ANKS1B: variants seen among roughly 807,000 people sequenced by gnomAD.
The protein encoded by ANKS1B is ankyrin repeat and sterile alpha motif domain-containing protein 1B.
ANKS1B carries 36 observed loss-of-function variants against 148.3 expected under a neutral mutation model. That is an observed-to-expected ratio of 0.24 (90% CI 0.19 to 0.32). The LOEUF (loss-of-function observed/expected upper bound fraction) is 0.32, where lower values mean the gene tolerates loss of function less well. Among genes scored for constraint, ANKS1B ranks in the 10% least tolerant of loss-of-function variants. The pLI, the probability that ANKS1B is intolerant of heterozygous loss-of-function variation, is 1.00. For missense variants in ANKS1B, 1,157 were observed against 1,542.6 expected, an observed-to-expected ratio of 0.75 and a Z score of 4.19; for synonymous variants, 542 against 560.8, an observed-to-expected ratio of 0.97 and a Z score of 0.47.
chr12:98,814,414 C>A (rs1325229440), intron 19 of ANKS1B, among the ~76,000 whole-genome samples: 1 of 152,196 alleles, frequency 6.6e-6, no homozygotes, highest in Non-Finnish European at 1.5e-5. Context: ...CTACCGTTAT[C>A]CGTTATCATT....
At chr12:99,131,778 A>AGAT (rs2066154515) in intron 15 of ANKS1B, among the ~76,000 whole-genome samples, 1 of 152,168 alleles carries the variant, frequency 6.6e-6, no homozygotes, top group Non-Finnish European at 1.5e-5. Context: ...AATTAAGGAC[A>AGAT]GATTACAAGC....
At chr12:99,053,348 C>T in intron 16 of ANKS1B, 39 bp from the exon 17 acceptor site, 1 of 1,469,232 alleles carries the variant, frequency 6.8e-7, no homozygotes, top group Non-Finnish European at 9.1e-7. Context: ...AAACTGTATA[C>T]TTTGTGTCCC....
chr12:98,964,039 G>A (rs1218154831), intron 17 of ANKS1B, among the ~76,000 whole-genome samples: 9 of 151,970 alleles, frequency 5.9e-5, no homozygotes, highest in East Asian at 1.9e-4. Context: ...TGGAGGTTGC[G>A]GTGAGTCGAG....
chr12:99,647,186 G>A (rs912044197), intron 9 of ANKS1B, among the ~76,000 whole-genome samples: 1 of 152,014 alleles, frequency 6.6e-6, no homozygotes, highest in Non-Finnish European at 1.5e-5. Context: ...CTATGAGTTT[G>A]AAATCAGTTT....
chr12:99,848,375 C>A (rs1565853545), intron 1 of ANKS1B, among the ~76,000 whole-genome samples: 1 of 151,812 alleles, frequency 6.6e-6, no homozygotes. Flanking sequence ...CCATTCTCTA[C>A]CATACCAAGT....
chr12:99,766,332 T>C (rs914874956), intron 8 of ANKS1B, among the ~76,000 whole-genome samples: 1 of 152,118 alleles, frequency 6.6e-6, no homozygotes, highest in African/African-American at 2.4e-5. Flanking sequence ...CAGAAAGAGA[T>C]GTATCAAGAA....
rs944967925 is a variant in ANKS1B, at chr12:99,303,918, T to C, written c.1757-57054A>G. ...TCCTGAGTTACTTCATTTAGAATAA[T>C]GGTCTCCGACTCCATCTAGGTTGCT... On this transcript the variant is annotated intron_variant, in intron 12 of 26. Coordinates refer to ENST00000683438, the MANE Select transcript of ANKS1B (RefSeq NM_001352186.2). 3.3e-5 allele frequency among the ~76,000 whole-genome samples: 5 copies of C among 152,182 alleles called. No homozygotes were observed. The South Asian group carries it at 1.0e-3, about 31-fold the overall frequency.
chr12:98,802,408 G>A (rs2099011109), intron 20 of ANKS1B, among the ~76,000 whole-genome samples: 1 of 152,072 alleles, frequency 6.6e-6, no homozygotes, highest in South Asian at 2.1e-4. Context: ...TTCTTTGAAA[G>A]AATCTAGAAA....
chr12:99,416,231 C>A (rs1488201538), intron 11 of ANKS1B, among the ~76,000 whole-genome samples: 1 of 152,166 alleles, frequency 6.6e-6, no homozygotes, highest in Non-Finnish European at 1.5e-5. Flanking sequence ...TATTCAATGA[C>A]ATGGATGTTT....
intron 10 of ANKS1B, among the ~76,000 whole-genome samples, chr12:99,453,276 C>T (rs1226690522): frequency 2.0e-5 from 3 of 151,220 alleles, no homozygotes; most frequent in South Asian, 2.1e-4. Context: ...GGTGACAGAG[C>T]GAGAGTCCGT....
At chr12:99,978,337 T>TGA (rs2095652910) in intron 1 of ANKS1B, among the ~76,000 whole-genome samples, 1 of 152,144 alleles carries the variant, frequency 6.6e-6, no homozygotes, top group Admixed American at 6.5e-5. Flanking sequence ...ACCCTCAGTG[T>TGA]TTTGAAAAGG....
At chr12:98,926,122 G>C (rs1377192577) in intron 17 of ANKS1B, among the ~76,000 whole-genome samples, 2 of 152,096 alleles carry the variant, frequency 1.3e-5, no homozygotes, top group African/African-American at 2.4e-5. Flanking sequence ...TGACTTTGAG[G>C]TTCTGTGCAA....
intron 1 of ANKS1B, among the ~76,000 whole-genome samples, chr12:99,908,251 T>C (rs1356934568): frequency 6.6e-6 from 1 of 152,158 alleles, no homozygotes; most frequent in Non-Finnish European, 1.5e-5. Flanking sequence ...AGGACAAAAA[T>C]CATTGCTAAT....
chr12:99,619,025 T>C (rs2098011083), intron 9 of ANKS1B, among the ~76,000 whole-genome samples: 1 of 152,056 alleles, frequency 6.6e-6, no homozygotes, highest in Admixed American at 6.6e-5. Flanking sequence ...TGATGATACT[T>C]GCAGACAGGG....
At chr12:99,265,944 T>C (rs115948284) in intron 12 of ANKS1B, among the ~76,000 whole-genome samples, 136 of 152,322 alleles carry the variant, frequency 8.9e-4, no homozygotes, top group African/African-American at 3.1e-3. Context: ...GCAAGAACTC[T>C]TGAAATAATC....
At chr12:99,670,382 G>C (rs1411073296) in intron 8 of ANKS1B, among the ~76,000 whole-genome samples, 3 of 151,996 alleles carry the variant, frequency 2.0e-5, no homozygotes, top group Non-Finnish European at 2.9e-5. Flanking sequence ...TTAATTTTTT[G>C]CATCAGTGAA....
At chr12:99,443,600 T>C in intron 11 of ANKS1B, 73 bp downstream of exon 11, 3 of 1,493,556 alleles carry the variant, frequency 2.0e-6, no homozygotes, top group Non-Finnish European at 2.8e-6. Flanking sequence ...GGCATTGCAA[T>C]ATAAGTGATG....
intron 14 of ANKS1B, among the ~76,000 whole-genome samples, chr12:99,228,885 A>G (rs1601864796): frequency 1.3e-5 from 2 of 151,970 alleles, no homozygotes; most frequent in Non-Finnish European, 2.9e-5. Flanking sequence ...TGATACCTAT[A>G]AAGTTTTGTG....
intron 11 of ANKS1B, among the ~76,000 whole-genome samples, chr12:99,416,766 TA>T (rs2094922185): frequency 6.6e-6 from 1 of 152,278 alleles, no homozygotes; most frequent in African/African-American, 2.4e-5. Context: ...ATATGTGATT[TA>T]TAAATATTTT....
Sources: allele counts gnomAD v4.1 joint callset (sites outside exome capture counted in the v4.1 genomes callset), GRCh38; gene constraint gnomAD v4.1.1; transcripts MANE v1.5; gene names NCBI Gene and HGNC (gene_info 2026-07-23, HGNC 2026-07-21).